The following TOM1L2 variants were observed in gnomAD, a reference collection of about 807,000 sequenced individuals.
TOM1L2 encodes the protein TOM1-like protein 2.
Under a neutral mutation model 67.9 loss-of-function variants are expected in TOM1L2, and 31 were observed. The observed-to-expected ratio is 0.46, with a 90% CI of 0.34 to 0.62. The LOEUF (loss-of-function observed/expected upper bound fraction) is 0.62, where lower values mean the gene tolerates loss of function less well. Ranked by LOEUF, TOM1L2 falls within the 20% of genes least tolerant of loss-of-function variation. The probability of loss-of-function intolerance (pLI) is 0.01; values close to 1 mark genes in which losing one functional copy is unlikely to be tolerated. For missense variants in TOM1L2, 606 were observed against 663.5 expected, an observed-to-expected ratio of 0.91 and a Z score of 0.95; for synonymous variants, 256 against 254.0, an observed-to-expected ratio of 1.01 and a Z score of -0.07.
intron 1 of TOM1L2, among the ~76,000 whole-genome samples, chr17:17,930,057 A>G (rs2040262523): frequency 6.6e-6 from 1 of 152,194 alleles, no homozygotes; most frequent in South Asian, 2.1e-4. Flanking sequence ...ACCATGGTTA[A>G]GACACTCCAT....
At chr17:17,922,900 G>A (rs1303701799) in intron 1 of TOM1L2, among the ~76,000 whole-genome samples, 3 of 152,158 alleles carry the variant, frequency 2.0e-5, no homozygotes, top group Non-Finnish European at 4.4e-5. Context: ...CACCTTAACT[G>A]CCTCCTGGAG....
chr17:17,897,637 C>T (rs1004509241), intron 3 of TOM1L2, among the ~76,000 whole-genome samples: 6 of 152,176 alleles, frequency 3.9e-5, no homozygotes, highest in African/African-American at 1.4e-4. Flanking sequence ...TCTGTTCCTT[C>T]CTGAAAAAAA....
At chr17:17,851,108 C>T (rs2035950435) in intron 12 of TOM1L2, 156 bp from the exon 13 acceptor site, 1 of 721,984 alleles carries the variant, frequency 1.4e-6, no homozygotes, top group African/African-American at 1.8e-5. Context: ...ACAGGGGCAA[C>T]ACAGGGCAGC....
At chr17:17,915,779 C>T (rs1384543146) in intron 1 of TOM1L2, among the ~76,000 whole-genome samples, 1 of 151,982 alleles carries the variant, frequency 6.6e-6, no homozygotes, top group East Asian at 1.9e-4. Context: ...GCCTTGGCCC[C>T]CCAAAGTACT....
chr17:17,930,225 C>T (rs2040270014), intron 1 of TOM1L2, among the ~76,000 whole-genome samples: 1 of 152,158 alleles, frequency 6.6e-6, no homozygotes, highest in African/African-American at 2.4e-5. Context: ...CGAGTGTTGC[C>T]TTAAGTGCTC....
At chr17:17,916,575 A>G (rs996007170) in intron 1 of TOM1L2, among the ~76,000 whole-genome samples, 3 of 152,146 alleles carry the variant, frequency 2.0e-5, no homozygotes, top group Middle Eastern at 3.2e-3. Context: ...AAATCAATTG[A>G]CCATATACGG....
At chr17:17,935,381 G>A (rs934440772) in intron 1 of TOM1L2, among the ~76,000 whole-genome samples, 1 of 152,204 alleles carries the variant, frequency 6.6e-6, no homozygotes, top group African/African-American at 2.4e-5. Flanking sequence ...GCCCCCAGTT[G>A]TTAAGAACTC....
At chr17:17,966,963 A>G (rs111563061) in intron 1 of TOM1L2, among the ~76,000 whole-genome samples, 26 of 152,188 alleles carry the variant, frequency 1.7e-4, no homozygotes, top group African/African-American at 6.3e-4. Context: ...TTTGGGACTC[A>G]GACTGGCTTC....
chr17:17,857,824 C>A, intron 12 of TOM1L2: 1 of 1,535,728 alleles, frequency 6.5e-7, no homozygotes, highest in Non-Finnish European at 8.7e-7. Context: ...CTCCCCACCT[C>A]TACCTCTCTT....
intron 8 of TOM1L2, among the ~76,000 whole-genome samples, chr17:17,867,444 G>T (rs551197665): frequency 1.3e-5 from 2 of 152,270 alleles, no homozygotes; most frequent in South Asian, 4.1e-4. Context: ...GAGAGGCCTG[G>T]GCCAGTCATC....
intron 1 of TOM1L2, 64 bp from the exon 2 acceptor site, chr17:17,907,595 T>C: frequency 6.8e-7 from 1 of 1,463,190 alleles, no homozygotes. Flanking sequence ...TGGCAGGAAA[T>C]GGGAAGAGAC....
At chr17:17,912,661 G>C (rs573995927) in intron 1 of TOM1L2, among the ~76,000 whole-genome samples, 1 of 147,144 alleles carries the variant, frequency 6.8e-6, no homozygotes, top group Non-Finnish European at 1.5e-5. Context: ...CACTTCCTAG[G>C]TGGGATGGCG....
intron 4 of TOM1L2, among the ~76,000 whole-genome samples, chr17:17,886,272 A>C (rs1306428628): frequency 6.6e-6 from 1 of 152,282 alleles, no homozygotes; most frequent in Non-Finnish European, 1.5e-5. Context: ...CAGTACTGTC[A>C]GCCCGGCTTT....
At chr17:17,866,123 A>G (rs1271460153) in intron 10 of TOM1L2, among the ~76,000 whole-genome samples, 173 bp downstream of exon 10, 1 of 152,130 alleles carries the variant, frequency 6.6e-6, no homozygotes, top group Non-Finnish European at 1.5e-5. Flanking sequence ...AGGGGGAAAA[A>G]AGGTATGAAT....
At chr17:17,865,241 C>T (rs901273734) in intron 10 of TOM1L2, among the ~76,000 whole-genome samples, 5 of 152,330 alleles carry the variant, frequency 3.3e-5, no homozygotes, top group African/African-American at 4.8e-5. Flanking sequence ...GCTGCTACCT[C>T]CTGTTTCCAA....
At chr17:17,879,509 A>G in intron 7 of TOM1L2, 118 bp downstream of exon 7, 2 of 779,966 alleles carry the variant, frequency 2.6e-6, no homozygotes, top group Non-Finnish European at 4.5e-6. Context: ...ATGGACTATC[A>G]ACAACAGGGC....
At chr17:17,851,212 C>T (rs186289448) in intron 12 of TOM1L2, 12 of 507,630 alleles carry the variant, frequency 2.4e-5, no homozygotes, top group South Asian at 4.2e-5. Flanking sequence ...TGGCTGTACG[C>T]GTTCTTGAAA....
At chr17:17,861,972 C>G (rs529496573) in intron 11 of TOM1L2, 1 of 165,518 alleles carries the variant, frequency 6.0e-6, no homozygotes, top group African/African-American at 2.4e-5. Context: ...CTCTGGGACC[C>G]GGGCCTGTCA....
intron 1 of TOM1L2, among the ~76,000 whole-genome samples, chr17:17,908,589 C>CA (rs1046569551): frequency 6.6e-6 from 1 of 151,994 alleles, no homozygotes; most frequent in African/African-American, 2.4e-5. Context: ...AGCTTAATAA[C>CA]AAAAAAACCC....
Sources: allele counts gnomAD v4.1 joint callset (sites outside exome capture counted in the v4.1 genomes callset), GRCh38; gene constraint gnomAD v4.1.1; transcripts MANE v1.5; gene names NCBI Gene and HGNC (gene_info 2026-07-23, HGNC 2026-07-21).